The following SUGP1 variants were observed in gnomAD, a reference collection of about 807,000 sequenced individuals.
SUGP1 encodes the protein SURP and G-patch domain containing 1, also known as SURP and G-patch domain-containing protein 1.
A neutral mutation model predicts 76.5 loss-of-function variants in SUGP1; 34 were observed. That is an observed-to-expected ratio of 0.44 (90% confidence interval 0.34 to 0.59). SUGP1 has a LOEUF of 0.59. Ranked by LOEUF, SUGP1 falls within the 20% of genes least tolerant of loss-of-function variation. The probability of loss-of-function intolerance (pLI) is 0.01; values close to 1 mark genes in which losing one functional copy is unlikely to be tolerated. For missense variants in SUGP1, 752 were observed against 851.7 expected, an observed-to-expected ratio of 0.88 and a Z score of 1.46; for synonymous variants, 326 against 326.2, an observed-to-expected ratio of 1.00 and a Z score of 0.01.
chr19:19,320,476 G>A lies in SUGP1; in HGVS notation c.21C>T (p.Asn7=), dbSNP rs766571534. The change falls in exon 1 of 14, where the codon AAC becomes AAT. Residue 7 remains asparagine, a synonymous_variant. Coordinates refer to ENST00000247001, the MANE Select transcript of SUGP1 (RefSeq NM_172231.4). MSLKMD[N]RDVAGKANRW... is the part of the protein sequence containing the mutation. ...GGGGGCTGTTACCTGCAACATCCCGGTTGTCCATCTTGAGACTCATCCAAT... is the reference window on the plus strand; with the variant it reads ...GGGGGCTGTTACCTGCAACATCCCGATTGTCCATCTTGAGACTCATCCAAT... 7.5e-6 allele frequency: 12 copies of A among 1,610,036 alleles called. No homozygotes were observed. The South Asian group carries it at 1.1e-4, about 15-fold the overall frequency.
At chr19:19,288,484 G>T (rs947033454) in intron 8 of SUGP1, among the ~76,000 whole-genome samples, 8 of 152,162 alleles carry the variant, frequency 5.3e-5, no homozygotes, top group African/African-American at 1.9e-4. Context: ...GCTATTAGTA[G>T]TTAAGTTTTT....
At chr19:19,313,929 A>G (rs1383011093) in intron 2 of SUGP1, among the ~76,000 whole-genome samples, 3 of 152,090 alleles carry the variant, frequency 2.0e-5, no homozygotes, top group African/African-American at 7.2e-5. Flanking sequence ...ACCTGAGGCC[A>G]GGAGTTAAAG....
chr19:19,316,255 T>A (rs2061393237), intron 2 of SUGP1, 167 bp downstream of exon 2: 1 of 832,820 alleles, frequency 1.2e-6, no homozygotes, highest in African/African-American at 1.7e-5. Context: ...ACCCCTCATT[T>A]CTCTCTTGCC....
Position 19,277,767 on chromosome 19 carries a change from G to A in SUGP1, c.1748C>T (p.Ser583Leu), listed in dbSNP as rs766450315. Residue 583 changes from serine to leucine, a missense_variant, in exon 12 of 14, where the codon TCA becomes TTA. Ser to Leu is a moderately radical substitution (Grantham distance 145, BLOSUM62 -2). Around this residue, in one of 2 missense-constraint regions of SUGP1, gnomAD observed 132 missense variants for 234.4 expected, o/e 0.56. Transcript: ENST00000247001. ...TGGGTTCTTGATGCCCTGGCCCTCT[G>A]AGCCCAGCCCCTCGCCCTCCTTCCA... ...MGWKEGEGLG[S>L]EGQGIKNPVN... The A allele has an allele frequency of 9.3e-6, 15 of 1,613,890 alleles. No homozygotes were observed. The highest frequency in any genetic ancestry group is 1.7e-5 in the Admixed American group (1 of 59,984).
At chr19:19,310,745 G>A (rs1404200104) in intron 2 of SUGP1, among the ~76,000 whole-genome samples, 2 of 152,192 alleles carry the variant, frequency 1.3e-5, no homozygotes, top group African/African-American at 2.4e-5. Context: ...CCAGGCTCAA[G>A]AGATTGTCAT....
At chr19:19,318,243 G>A (rs981828237) in intron 1 of SUGP1, among the ~76,000 whole-genome samples, 3 of 148,200 alleles carry the variant, frequency 2.0e-5, no homozygotes, top group Non-Finnish European at 3.0e-5. Context: ...TCAGCCTCCC[G>A]AGTATCTGGG....
At chr19:19,285,182 T>C (rs1378246698) in intron 8 of SUGP1, among the ~76,000 whole-genome samples, 1 of 151,210 alleles carries the variant, frequency 6.6e-6, no homozygotes, top group East Asian at 1.9e-4. Context: ...CAGGTTTATT[T>C]TGAAATGGAG....
chr19:19,303,206 C>T (rs1254293379), intron 6 of SUGP1, 142 bp downstream of exon 6: 4 of 676,034 alleles, frequency 5.9e-6, no homozygotes, highest in Non-Finnish European at 1.0e-5. Context: ...CCAGAGTGAC[C>T]CCAGATGCCT....
intron 1 of SUGP1, among the ~76,000 whole-genome samples, chr19:19,319,553 G>A (rs771362756): frequency 6.6e-5 from 10 of 151,454 alleles, no homozygotes; most frequent in Non-Finnish European, 1.3e-4. Context: ...CATGGGAAAC[G>A]TGGCAACACA....
At chr19:19,298,821 G>A (rs960219782) in intron 7 of SUGP1, among the ~76,000 whole-genome samples, 12 of 152,202 alleles carry the variant, frequency 7.9e-5, no homozygotes, top group African/African-American at 2.4e-4. Flanking sequence ...TTGCTAGGGC[G>A]AGCAGGCATC....
chr19:19,277,111 G>A (rs754762366), intron 12 of SUGP1, 35 bp from the exon 13 acceptor site: 40 of 1,591,496 alleles, frequency 2.5e-5, no homozygotes, highest in Admixed American at 8.7e-5. Flanking sequence ...AGGGACCTGG[G>A]GCCAGAACTC....
chr19:19,302,128 G>A (rs1315016495), intron 7 of SUGP1, 137 bp downstream of exon 7: 1 of 1,364,208 alleles, frequency 7.3e-7, no homozygotes, highest in African/African-American at 1.4e-5. Context: ...TGGGCTCTGG[G>A]GTCAGAGACT....
chr19:19,283,598 G>A (rs1385149672), intron 8 of SUGP1, among the ~76,000 whole-genome samples: 2 of 152,086 alleles, frequency 1.3e-5, no homozygotes, highest in African/African-American at 4.8e-5. Context: ...GGGACTACAG[G>A]TGGCACGCCA....
chr19:19,318,647 C>T (rs2061412521), intron 1 of SUGP1, among the ~76,000 whole-genome samples: 1 of 152,126 alleles, frequency 6.6e-6, no homozygotes, highest in African/African-American at 2.4e-5. Context: ...CCAGGCTAAT[C>T]TTGAACTCCT....
rs764092542 is a variant in SUGP1 at position 19,303,463 on chromosome 19, G to T, written c.663-15C>A. On this transcript the variant is annotated splice_polypyrimidine_tract_variant and intron_variant, in intron 5 of 13. Coordinates refer to ENST00000247001, the MANE Select transcript of SUGP1 (RefSeq NM_172231.4). The stretch of plus-strand genomic sequence containing the variant: ...CGTGCAAAAATCTGGAGAGGAGGAA[G>T]TTTGCAGAAGAGAGGGGAAAATAAG... The T allele has an allele frequency of 2.5e-6, 4 of 1,604,132 alleles. No individual in the cohort carries two copies. The highest frequency in any genetic ancestry group is 3.4e-6 in the Non-Finnish European group (4 of 1,171,026).
intron 8 of SUGP1, among the ~76,000 whole-genome samples, chr19:19,288,784 CT>C (rs977052988): frequency 6.6e-6 from 1 of 151,072 alleles, no homozygotes; most frequent in African/African-American, 2.4e-5. Context: ...CAGATTTTCT[CT>C]TTTTTTTTCT....
intron 1 of SUGP1, among the ~76,000 whole-genome samples, chr19:19,318,357 T>C (rs1247110025): frequency 6.7e-6 from 1 of 148,678 alleles, no homozygotes; most frequent in Non-Finnish European, 1.5e-5. Flanking sequence ...TGACCTCAAG[T>C]GATCCACCCA....
In SUGP1 at chr19:19,278,765, C is replaced by T. The variant is rs368047800; in HGVS notation, c.1560G>A (p.Arg520=). The change falls in exon 11 of 14, where the codon CGG becomes CGA. Residue 520 remains arginine, a synonymous_variant. Coordinates refer to ENST00000247001, the MANE Select transcript of SUGP1 (RefSeq NM_172231.4). ...EWAEQLTKMG[R]GKHFIGDFLP... is the part of the protein sequence containing the mutation. The stretch of plus-strand genomic sequence containing the variant: ...GGAAGTCTCCGATGAAGTGCTTGCC[C>T]CGGCCCATCTTTGTCAGCTGCTCGG... 2 of 1,613,898 alleles carry T rather than the reference C, an allele frequency of 1.2e-6. No individual in the cohort carries two copies. The highest frequency in any genetic ancestry group is 2.7e-5 in the African/African-American group (2 of 74,894).
At chr19:19,307,853 C>T (rs1022312737) in intron 3 of SUGP1, among the ~76,000 whole-genome samples, 4 of 151,808 alleles carry the variant, frequency 2.6e-5, no homozygotes, top group Admixed American at 6.6e-5. Context: ...TTAGTAGAGA[C>T]GGGGTTTTAC....
Sources: allele counts gnomAD v4.1 joint callset (sites outside exome capture counted in the v4.1 genomes callset), GRCh38; gene constraint gnomAD v4.1.1; regional missense constraint gnomAD v4.1.1; transcripts MANE v1.5; gene names NCBI Gene and HGNC (gene_info 2026-07-23, HGNC 2026-07-21).